RAB3IL1: variants seen among roughly 807,000 people sequenced by gnomAD.
RAB3IL1 encodes RAB3A interacting protein like 1.
A neutral mutation model predicts 49.2 loss-of-function variants in RAB3IL1; 37 were observed. The observed-to-expected ratio is 0.75, with a 90% CI of 0.58 to 0.99. RAB3IL1 has a LOEUF of 0.99. Ranked by LOEUF, RAB3IL1 falls within the 50% of genes least tolerant of loss-of-function variation. The pLI is 0.00. For missense variants in RAB3IL1, 484 were observed against 513.0 expected, an observed-to-expected ratio of 0.94 and a Z score of 0.55; for synonymous variants, 193 against 213.9, an observed-to-expected ratio of 0.90 and a Z score of 0.85.
upstream of RAB3IL1, among the ~76,000 whole-genome samples, chr11:61,921,173 ATT>A (rs905757168): frequency 6.6e-6 from 1 of 151,678 alleles, no homozygotes; most frequent in Admixed American, 6.6e-5. Context: ...TAATTTTTAA[ATT>A]TTTTTTATTT....
chr11:61,924,000 G>C (rs572252769), upstream of RAB3IL1, among the ~76,000 whole-genome samples: 31 of 152,230 alleles, frequency 2.0e-4, no homozygotes, highest in African/African-American at 7.2e-4. Context: ...GCCGAATGGG[G>C]TCACAGCTTT....
chr11:61,927,499 C>G, the RAB3IL1 span, among the ~76,000 whole-genome samples: 1 of 152,122 alleles, frequency 6.6e-6, no homozygotes, highest in Non-Finnish European at 1.5e-5. Flanking sequence ...GAAAAATTTC[C>G]TGAGGCAGGA....
chr11:61,901,530 T>C (rs1408442958), intron 8 of RAB3IL1, among the ~76,000 whole-genome samples: 4 of 152,208 alleles, frequency 2.6e-5, no homozygotes, highest in Non-Finnish European at 2.9e-5. Flanking sequence ...TTAGGTGACA[T>C]TGAATGACAG....
chr11:61,907,399 C>T lies in RAB3IL1; in HGVS notation c.432G>A (p.Arg144=), dbSNP rs201803674. The stretch of plus-strand genomic sequence containing the variant: ...AGGCGGGGATGGGCCTCACCTTGCC[C>T]CGAGCCTCCTTCAGCTGCTTTTCTG... ...AASEKQLKEA[R]GKIDMLQAEV... Residue 144 remains arginine (R), a synonymous_variant, in exon 4 of 10, where the codon CGG becomes CGA. Transcript: ENST00000394836. 1.6e-5 allele frequency: 26 copies of T among 1,613,684 alleles called. No individual in the cohort carries two copies. The Admixed American group carries it at 4.3e-4, about 27-fold the overall frequency.
At chr11:61,928,902 G>T in the RAB3IL1 span, among the ~76,000 whole-genome samples, 2 of 152,200 alleles carry the variant, frequency 1.3e-5, no homozygotes, top group Non-Finnish European at 1.5e-5. Context: ...AGATTTAGAT[G>T]CTACAGAACT....
At chr11:61,912,915 G>C (rs1300809903) in intron 1 of RAB3IL1, among the ~76,000 whole-genome samples, 2 of 152,112 alleles carry the variant, frequency 1.3e-5, no homozygotes, top group Admixed American at 6.5e-5. Flanking sequence ...GGCTGGATGG[G>C]GGGGCAGGAA....
At chr11:61,918,080 A>AAC (rs908129635), upstream of RAB3IL1, among the ~76,000 whole-genome samples, 9 of 151,982 alleles carry the variant, frequency 5.9e-5, no homozygotes, top group Admixed American at 2.6e-4. Context: ...CCTGCCACTT[A>AAC]ACACGCTCTG....
upstream of RAB3IL1, among the ~76,000 whole-genome samples, chr11:61,918,554 G>A (rs879872311): frequency 1.3e-5 from 2 of 152,236 alleles, no homozygotes; most frequent in African/African-American, 4.8e-5. Flanking sequence ...CATAGACTAT[G>A]GGGCATGCAA....
At chr11:61,909,779 C>T (rs914195223) in intron 1 of RAB3IL1, among the ~76,000 whole-genome samples, 1 of 152,238 alleles carries the variant, frequency 6.6e-6, no homozygotes, top group African/African-American at 2.4e-5. Flanking sequence ...CAGACTCTTC[C>T]ACAGGTCTCT....
At chr11:61,905,548 G>GGACA (rs879881608) in intron 5 of RAB3IL1, among the ~76,000 whole-genome samples, 89 of 152,152 alleles carry the variant, frequency 5.8e-4, no homozygotes, top group South Asian at 1.2e-3. Flanking sequence ...TGGGCCGGAT[G>GGACA]GACAGACAGA....
chr11:61,932,721 A>T, the RAB3IL1 span, among the ~76,000 whole-genome samples: 2 of 152,078 alleles, frequency 1.3e-5, no homozygotes, highest in African/African-American at 2.4e-5. Context: ...CTTTTTTTTA[A>T]CTCAACATTA....
chr11:61,917,356 C>T lies in RAB3IL1; in HGVS notation c.11+1G>A, dbSNP rs1424107516. On this transcript the variant is annotated splice_donor_variant, in intron 1 of 9. Coordinates refer to ENST00000394836, the MANE Select transcript of RAB3IL1 (RefSeq NM_013401.4). LOFTEE classifies it high-confidence loss of function. Reference sequence around the variant, plus strand: ...GGGACCGCGAGCGCGCGCGGACCTACCCGCTCCACATCCCGGCGCCTCGGG... The same window carrying T: ...GGGACCGCGAGCGCGCGCGGACCTATCCGCTCCACATCCCGGCGCCTCGGG... The T allele has an allele frequency of 2.3e-6, 3 of 1,279,528 alleles. No homozygotes were observed. The highest frequency in any genetic ancestry group is 3.0e-6 in the Non-Finnish European group (3 of 1,014,522). The allele number at this position is 1,279,528 out of a possible 1,614,324, so 79.3% of individuals were successfully genotyped here. A position where few individuals can be genotyped will look rare whatever the true frequency, so the allele number is the denominator to read the frequency against.
At position 61,898,427 on chromosome 11, in the gene RAB3IL1, C is replaced by A; in HGVS notation, c.1067-67G>T. 1 of 1,392,480 alleles carries A rather than the reference C, an allele frequency of 7.2e-7. No individual in the cohort carries two copies. The highest frequency in any genetic ancestry group is 1.2e-5 in the South Asian group (1 of 85,956). 86.3% of individuals were successfully genotyped at this position (1,392,480 alleles called of 1,614,324 possible). A position where few individuals can be genotyped will look rare whatever the true frequency, so the allele number is the denominator to read the frequency against. Reference sequence around the variant, plus strand: ...GGTCACCTCGGGCAGATGGCCAGGTCCCCTCCTGTGGCTTTGGACAGAGCA... The same window carrying A: ...GGTCACCTCGGGCAGATGGCCAGGTACCCTCCTGTGGCTTTGGACAGAGCA... On this transcript the variant is annotated intron_variant, in intron 9 of 9. Coordinates refer to ENST00000394836, the MANE Select transcript of RAB3IL1 (RefSeq NM_013401.4). The surrounding 1 kb of genome is among the most constrained non-coding windows in gnomAD (Gnocchi z 5.1).
At chr11:61,912,258 G>A (rs965858901) in intron 1 of RAB3IL1, among the ~76,000 whole-genome samples, 63 of 152,212 alleles carry the variant, frequency 4.1e-4, no homozygotes, top group African/African-American at 1.5e-3. Flanking sequence ...CTGGCTCCCC[G>A]GGGCGGTGCC....
At chr11:61,941,359 A>C in the RAB3IL1 span, among the ~76,000 whole-genome samples, 1 of 152,176 alleles carries the variant, frequency 6.6e-6, no homozygotes, top group South Asian at 2.1e-4. Flanking sequence ...CCAATCCACA[A>C]ACTGTTCCAA....
At position 61,915,612 on chromosome 11, in the gene RAB3IL1, C is replaced by T. The variant is rs894787064; in HGVS notation, c.11+1745G>A. 2.0e-5 allele frequency among the ~76,000 whole-genome samples: 3 copies of T among 152,176 alleles called. No homozygotes were observed. In the South Asian group the frequency reaches 6.2e-4, roughly 32 times the overall value. ...AGGCTGCTCCCCAAACACAATTCAC[C>T]CCGGGCAGGACTGCCCTAACCTCTC... On this transcript the variant is annotated intron_variant, in intron 1 of 9. Coordinates refer to ENST00000394836, the MANE Select transcript of RAB3IL1 (RefSeq NM_013401.4).
At chr11:61,921,368 G>T (rs779756600), upstream of RAB3IL1, among the ~76,000 whole-genome samples, 1 of 152,118 alleles carries the variant, frequency 6.6e-6, no homozygotes, top group Non-Finnish European at 1.5e-5. Context: ...ACTATGAAAT[G>T]GATTCTCACC....
intron 8 of RAB3IL1, 121 bp from the exon 9 acceptor site, chr11:61,899,501 A>T: frequency 1.1e-6 from 1 of 870,980 alleles, no homozygotes; most frequent in Non-Finnish European, 1.8e-6. Context: ...GTGCTCCCTG[A>T]CTCAGCTGGG....
At chr11:61,918,682 C>T (rs115914544), upstream of RAB3IL1, among the ~76,000 whole-genome samples, 1,999 of 152,330 alleles carry the variant, frequency 0.013, 51 homozygotes, top group African/African-American at 0.045. Context: ...GTCCAGGGCA[C>T]AAATAGACAA....
Sources: gnomAD v4.1 joint callset for allele counts (sites outside exome capture counted in the v4.1 genomes callset) on GRCh38, gnomAD v4.1.1 for gene constraint, Gnocchi (gnomAD v3.1) non-coding constraint, MANE v1.5 for transcripts, NCBI Gene and HGNC (gene_info 2026-07-23, HGNC 2026-07-21) for gene names.